The following ADAMTS6 variants were observed in gnomAD, a reference collection of about 807,000 sequenced individuals.
ADAMTS6 encodes A disintegrin and metalloproteinase with thrombospondin motifs 6.
Under a neutral mutation model 144.3 loss-of-function variants are expected in ADAMTS6, and 23 were observed. The ratio of observed to expected loss-of-function variants is 0.16; its 90% CI spans 0.11 to 0.23. The LOEUF (loss-of-function observed/expected upper bound fraction) is 0.23, where lower values mean the gene tolerates loss of function less well. ADAMTS6 is among the 10% of genes least tolerant of loss of function. The pLI is 1.00. For missense variants in ADAMTS6, 999 were observed against 1,379.6 expected, an observed-to-expected ratio of 0.72 and a Z score of 4.37; for synonymous variants, 444 against 457.5, an observed-to-expected ratio of 0.97 and a Z score of 0.38.
At chr5:65,211,608 C>G (rs1756537573) in intron 20 of ADAMTS6, among the ~76,000 whole-genome samples, 1 of 151,150 alleles carries the variant, frequency 6.6e-6, no homozygotes, top group Non-Finnish European at 1.5e-5. Flanking sequence ...TCTCAAAACA[C>G]AAAAAAACCC....
chr5:65,230,888 T>G (rs1450876267), intron 15 of ADAMTS6, among the ~76,000 whole-genome samples: 3 of 142,370 alleles, frequency 2.1e-5, no homozygotes, highest in Non-Finnish European at 4.6e-5. Flanking sequence ...GAAATATATA[T>G]AAAATACATA....
At chr5:65,352,716 A>C (rs1273728556) in intron 7 of ADAMTS6, among the ~76,000 whole-genome samples, 1 of 152,260 alleles carries the variant, frequency 6.6e-6, no homozygotes, top group Non-Finnish European at 1.5e-5. Context: ...ATAACTGCTC[A>C]TCTCTCATAA....
At chr5:65,281,925 C>T (rs1027542613) in intron 11 of ADAMTS6, among the ~76,000 whole-genome samples, 2 of 151,784 alleles carry the variant, frequency 1.3e-5, no homozygotes, top group African/African-American at 4.8e-5. Context: ...AAACTATATA[C>T]GTTAAACCAG....
chr5:65,437,502 C>T (rs1340599198), intron 7 of ADAMTS6, among the ~76,000 whole-genome samples: 4 of 152,016 alleles, frequency 2.6e-5, no homozygotes, highest in Non-Finnish European at 5.9e-5. Context: ...CCCACCAGGC[C>T]CCTCCCACAA....
chr5:65,370,822 G>C (rs1252412821), intron 7 of ADAMTS6, among the ~76,000 whole-genome samples: 1 of 152,230 alleles, frequency 6.6e-6, no homozygotes, highest in African/African-American at 2.4e-5. Context: ...TCTGGGGGCA[G>C]GGCAAGACAA....
intron 9 of ADAMTS6, among the ~76,000 whole-genome samples, chr5:65,312,815 G>GATATA (rs1374338138): frequency 1.3e-5 from 2 of 151,964 alleles, no homozygotes; most frequent in African/African-American, 4.8e-5. Flanking sequence ...ACCGGAGGAA[G>GATATA]CTAGCTATTA....
chr5:65,343,908 T>A (rs2150078808), intron 7 of ADAMTS6, among the ~76,000 whole-genome samples: 1 of 152,094 alleles, frequency 6.6e-6, no homozygotes, highest in African/African-American at 2.4e-5. Flanking sequence ...AACAGACATT[T>A]CTCAAAAAAA....
intron 7 of ADAMTS6, among the ~76,000 whole-genome samples, chr5:65,366,885 T>G (rs150788415): frequency 6.6e-6 from 1 of 152,050 alleles, no homozygotes; most frequent in East Asian, 1.9e-4. Flanking sequence ...CAAAAGAAAA[T>G]AAATTTTAGC....
At chr5:65,325,966 A>G (rs1355370556) in intron 9 of ADAMTS6, among the ~76,000 whole-genome samples, 1 of 152,210 alleles carries the variant, frequency 6.6e-6, no homozygotes, top group Non-Finnish European at 1.5e-5. Flanking sequence ...TGCCATAAAC[A>G]CATCATCAAG....
intron 4 of ADAMTS6, 114 bp from the exon 5 acceptor site, chr5:65,453,032 G>C: frequency 7.5e-6 from 6 of 801,568 alleles, no homozygotes; most frequent in Non-Finnish European, 1.1e-5. Context: ...ATTTTTCAAA[G>C]AGAAGAGAAT....
chr5:65,284,997 T>G (rs1467304722), intron 11 of ADAMTS6, among the ~76,000 whole-genome samples: 2 of 152,104 alleles, frequency 1.3e-5, no homozygotes, highest in Non-Finnish European at 2.9e-5. Context: ...CACTGGAGAA[T>G]CATTAGTGGC....
intron 7 of ADAMTS6, among the ~76,000 whole-genome samples, chr5:65,356,357 C>T (rs1749322400): frequency 1.3e-5 from 2 of 150,166 alleles, no homozygotes; most frequent in African/African-American, 2.5e-5. Context: ...AGAAAGATCC[C>T]TAATTTTGGC....
intron 10 of ADAMTS6, among the ~76,000 whole-genome samples, chr5:65,298,467 G>A (rs1743068053): frequency 6.6e-6 from 1 of 152,228 alleles, no homozygotes; most frequent in Non-Finnish European, 1.5e-5. Context: ...CTGACTTGAT[G>A]TCTAGGGAGA....
At chr5:65,371,557 G>A (rs868403241) in intron 7 of ADAMTS6, among the ~76,000 whole-genome samples, 1 of 152,064 alleles carries the variant, frequency 6.6e-6, no homozygotes. Flanking sequence ...GAAGCGAGAA[G>A]GGAAGTTTAG....
intron 9 of ADAMTS6, among the ~76,000 whole-genome samples, chr5:65,302,773 C>T (rs879638613): frequency 6.6e-5 from 10 of 152,040 alleles, no homozygotes; most frequent in African/African-American, 2.2e-4. Flanking sequence ...TTTCAAGTAA[C>T]GATAGCTTTA....
intron 7 of ADAMTS6, among the ~76,000 whole-genome samples, chr5:65,395,301 A>C (rs924848902): frequency 4.8e-5 from 7 of 146,330 alleles, no homozygotes; most frequent in Non-Finnish European, 1.0e-4. Context: ...AGACTATCCC[A>C]AGGACTAGTC....
At chr5:65,345,615 T>G (rs946923049) in intron 7 of ADAMTS6, among the ~76,000 whole-genome samples, 1 of 151,812 alleles carries the variant, frequency 6.6e-6, no homozygotes, top group East Asian at 1.9e-4. Context: ...AACTTTTCTA[T>G]AATCAGGAAA....
intron 9 of ADAMTS6, among the ~76,000 whole-genome samples, chr5:65,304,388 T>G (rs1743732411): frequency 6.6e-6 from 1 of 152,318 alleles, no homozygotes; most frequent in African/African-American, 2.4e-5. Flanking sequence ...AAGCAGAAGT[T>G]AGAAGCAACA....
At chr5:65,479,231 C>T (rs1333310193) in intron 1 of ADAMTS6, among the ~76,000 whole-genome samples, 1 of 152,156 alleles carries the variant, frequency 6.6e-6, no homozygotes, top group Non-Finnish European at 1.5e-5. Context: ...TATTCTCTCA[C>T]ATTTATTATC....
Sources: allele counts gnomAD v4.1 joint callset (sites outside exome capture counted in the v4.1 genomes callset), GRCh38; gene constraint gnomAD v4.1.1; transcripts MANE v1.5; gene names NCBI Gene and HGNC (gene_info 2026-07-23, HGNC 2026-07-21).